CYS1: variants seen among roughly 807,000 people sequenced by gnomAD.
CYS1 encodes the protein cystin 1, also known as cystin-1.
A neutral mutation model predicts 9.6 loss-of-function variants in CYS1; 5 were observed. The observed-to-expected ratio is 0.52, with a 90% confidence interval of 0.27 to 1.10. The LOEUF (loss-of-function observed/expected upper bound fraction) is 1.10. CYS1 is among the 50% of genes least tolerant of loss of function. CYS1 has a pLI of 0.11. For missense variants in CYS1, 221 were observed against 207.9 expected (o/e 1.06, Z -0.39); for synonymous variants, 88 against 95.7 (o/e 0.92, Z 0.47).
Position 10,058,845 on chromosome 2 carries a change from T to C in CYS1, c.*8A>G. ...TCCGAGGCCTGGCGGGGGTGGAGCA[T>C]GCTGTCCTCAGCGGCAGTACTCCCG... On this transcript the variant is annotated 3_prime_UTR_variant, in exon 3 of 3. Transcript: ENST00000381813. 8 of 1,560,794 alleles carry C rather than the reference T, an allele frequency of 5.1e-6. No homozygotes were observed. The highest frequency in any genetic ancestry group is 1.4e-5 in the African/African-American group (1 of 73,900).
chr2:10,060,580 C>T (rs1197727758), intron 2 of CYS1, among the ~76,000 whole-genome samples: 4 of 152,236 alleles, frequency 2.6e-5, no homozygotes, highest in Non-Finnish European at 2.9e-5. Context: ...TAGCACTGCC[C>T]GCGGCCAGTG....
intron 2 of CYS1, among the ~76,000 whole-genome samples, chr2:10,064,670 C>T (rs1240121507): frequency 6.6e-6 from 1 of 151,934 alleles, no homozygotes. Flanking sequence ...CTCTCCTCGG[C>T]GAACTCCTGT....
At position 10,063,772 on chromosome 2, in the gene CYS1, G is replaced by GCC. The variant is rs1558357424; in HGVS notation, c.371+2131_371+2132insGG. Among the ~76,000 whole-genome samples the GCC allele has an allele frequency of 7.9e-5, 12 of 152,234 alleles. No homozygotes were observed. Among genetic ancestry groups the GCC allele is most frequent in the African/African-American group, 2.9e-4 (12 of 41,460 alleles). ...TGTGCCGTGGGCAGCGAGAAGCACA[G>GCC]TGGGTACAGGGCAGATGCTGCCAGC... On this transcript the variant is annotated intron_variant, in intron 2 of 2. Transcript: ENST00000381813. This position sits in a 1 kb window ranked among gnomAD's most constrained non-coding sequence, Gnocchi z 4.2.
In CYS1 at chr2:10,058,595, G is replaced by T. The variant is rs1191462386; in HGVS notation, c.*258C>A. On this transcript the variant is annotated 3_prime_UTR_variant, in exon 3 of 3. Coordinates refer to ENST00000381813, the MANE Select transcript of CYS1 (RefSeq NM_001037160.3). ...CAGAAGAACTGGGCAGGCTCCCCGC[G>T]TTGGGGAGGAGGCGCCGGCGGCCCA... 1 of 396,030 alleles carries T rather than the reference G, an allele frequency of 2.5e-6. No individual in the cohort carries two copies. The highest frequency in any genetic ancestry group is 6.5e-5 in the South Asian group (1 of 15,336). The allele number at this position is 396,030 out of a possible 1,614,324, so 24.5% of individuals were successfully genotyped here.
rs1321052987 is a variant in CYS1 at position 10,076,064 on chromosome 2, C to T, written c.318+3842G>A. Among the ~76,000 whole-genome samples the T allele has an allele frequency of 6.6e-6, 1 of 152,126 alleles. No individual in the cohort carries two copies. Among genetic ancestry groups the T allele is most frequent in the Non-Finnish European group, 1.5e-5 (1 of 68,030 alleles). ...ATTAGCCAGGCGTGGTGGCATGCTC[C>T]TATAGTCCCAGCTACTCGGGATGCT... On this transcript the variant is annotated intron_variant, in intron 1 of 2. Coordinates refer to ENST00000381813, the MANE Select transcript of CYS1 (RefSeq NM_001037160.3). This position sits in a 1 kb window ranked among gnomAD's most constrained non-coding sequence, Gnocchi z 4.3.
intron 2 of CYS1, among the ~76,000 whole-genome samples, chr2:10,062,496 G>A (rs1661640966): frequency 6.6e-6 from 1 of 152,032 alleles, no homozygotes; most frequent in African/African-American, 2.4e-5. Context: ...CCCATCATGG[G>A]TGCAAGGGAT....
In CYS1 at chr2:10,076,739, C is replaced by T. The variant is rs1384528173; in HGVS notation, c.318+3167G>A. On this transcript the variant is annotated intron_variant, in intron 1 of 2. Coordinates refer to ENST00000381813, the MANE Select transcript of CYS1 (RefSeq NM_001037160.3). This position sits in a 1 kb window ranked among gnomAD's most constrained non-coding sequence, Gnocchi z 4.3. ...GCCTCGTCCCACGTTAGTTCACATA[C>T]ACGAAGCTCCCAGGACAGAGCCCGG... 6.6e-6 allele frequency among the ~76,000 whole-genome samples: 1 copy of T among 152,220 alleles called. No individual in the cohort carries two copies. The highest frequency in any genetic ancestry group is 1.5e-5 in the Non-Finnish European group (1 of 68,040).
In CYS1 at chr2:10,063,613, G is replaced by C. The variant is rs1159978597; in HGVS notation, c.371+2291C>G. The stretch of plus-strand genomic sequence containing the variant: ...GAAGGACCCTGCCTGGGAGGGTGAG[G>C]GTGACACTGGAGGGAGGAGATTGAA... On this transcript the variant is annotated intron_variant, in intron 2 of 2. Transcript: ENST00000381813. This position sits in a 1 kb window ranked among gnomAD's most constrained non-coding sequence, Gnocchi z 4.2. Among the ~76,000 whole-genome samples, 4 of 152,168 alleles carry C rather than the reference G, an allele frequency of 2.6e-5. No homozygotes were observed. Among genetic ancestry groups the C allele is most frequent in the Non-Finnish European group, 5.9e-5 (4 of 68,026 alleles).
At chr2:10,072,565 C>T (rs6756059) in intron 1 of CYS1, among the ~76,000 whole-genome samples, 18,416 of 152,182 alleles carry the variant, frequency 0.12, 1,258 homozygotes, top group African/African-American at 0.17. Flanking sequence ...CCTTTTATTC[C>T]ATAGTATGGA....
chr2:10,073,658 T>G (rs1159964480), intron 1 of CYS1, among the ~76,000 whole-genome samples: 1 of 152,198 alleles, frequency 6.6e-6, no homozygotes, highest in African/African-American at 2.4e-5. Flanking sequence ...GGGCCTGTGT[T>G]GTGCACAAAC....
rs1310834783 is a variant in CYS1, at chr2:10,057,812, A to T, written c.*1041T>A. 5 of 152,370 alleles carry T rather than the reference A, an allele frequency of 3.3e-5. No individual in the cohort carries two copies. Among genetic ancestry groups the T allele is most frequent in the Non-Finnish European group, 7.3e-5 (5 of 68,232 alleles). 9.4% of individuals were successfully genotyped at this position (152,370 alleles called of 1,614,324 possible). ...AGGCTCCAGACCTGCCCGCCCACAC[A>T]GGAGTCCCCTCTAGCCGGAGCTCCG... On this transcript the variant is annotated 3_prime_UTR_variant, in exon 3 of 3. Transcript: ENST00000381813.
At chr2:10,071,284 C>T (rs1299681612) in intron 1 of CYS1, among the ~76,000 whole-genome samples, 1 of 152,182 alleles carries the variant, frequency 6.6e-6, no homozygotes, top group African/African-American at 2.4e-5. Context: ...CCTCTTAAAG[C>T]TAAGGCAGGA....
intron 1 of CYS1, among the ~76,000 whole-genome samples, chr2:10,077,018 C>T (rs556709551): frequency 6.6e-6 from 1 of 152,328 alleles, no homozygotes; most frequent in East Asian, 1.9e-4. Flanking sequence ...GCCCCTTCCA[C>T]ATTTTCTGTG....
chr2:10,056,908 T>C lies in CYS1; in HGVS notation c.*1945A>G, dbSNP rs918741594. ...AGACACTTCCTGAATTCAGGAAAAATTTTTTTAAAAACCTGAGAACAATTC... is the reference window on the plus strand; with the variant it reads ...AGACACTTCCTGAATTCAGGAAAAACTTTTTTAAAAACCTGAGAACAATTC... On this transcript the variant is annotated 3_prime_UTR_variant, in exon 3 of 3. Coordinates refer to ENST00000381813, the MANE Select transcript of CYS1 (RefSeq NM_001037160.3). 1 of 152,208 alleles carries C rather than the reference T, an allele frequency of 6.6e-6. No homozygotes were observed. Among genetic ancestry groups the C allele is most frequent in the African/African-American group, 2.4e-5 (1 of 41,456 alleles). 9.4% of individuals were successfully genotyped at this position (152,208 alleles called of 1,614,324 possible).
chr2:10,064,711 T>C (rs868798296), intron 2 of CYS1, among the ~76,000 whole-genome samples: 5 of 151,428 alleles, frequency 3.3e-5, no homozygotes, highest in Admixed American at 1.3e-4. Flanking sequence ...TTTTTATATT[T>C]TTATTTATTT....
rs553207617 is a variant in CYS1 at position 10,060,877 on chromosome 2, A to G, written c.372-1919T>C. Among the ~76,000 whole-genome samples, 10 of 152,360 alleles carry G rather than the reference A, an allele frequency of 6.6e-5. No individual in the cohort carries two copies. In the South Asian group the frequency reaches 2.1e-3, roughly 32 times the overall value. On this transcript the variant is annotated intron_variant, in intron 2 of 2. Transcript: ENST00000381813. ...GCGCCATCTGCGGTGTGTCTACCAC[A>G]GAGCTGGGCACTAAGGAAGCACTCA...
At chr2:10,079,229 C>T (rs1473422926) in intron 1 of CYS1, among the ~76,000 whole-genome samples, 3 of 152,116 alleles carry the variant, frequency 2.0e-5, no homozygotes, top group South Asian at 4.1e-4. Flanking sequence ...AGGCATCTTC[C>T]TCGGCTCCCA....
chr2:10,061,305 G>A (rs374866557), intron 2 of CYS1, among the ~76,000 whole-genome samples: 3 of 152,344 alleles, frequency 2.0e-5, no homozygotes, highest in South Asian at 4.1e-4. Context: ...ACCCAGTACA[G>A]AGGAGAGACC....
In CYS1 at chr2:10,079,840, C is replaced by T. The variant is rs1044681789; in HGVS notation, c.318+66G>A. ...GCGCGACCGGCGCCCAGGGCTGGGG[C>T]GGGGACGCGCGGCCGGTGAGTGGGG... On this transcript the variant is annotated intron_variant, in intron 1 of 2. Transcript: ENST00000381813. 1.1e-5 allele frequency: 11 copies of T among 974,010 alleles called. No homozygotes were observed. The Admixed American group carries it at 2.2e-4, about 19-fold the overall frequency. The allele number at this position is 974,010 out of a possible 1,614,324, so 60.3% of individuals were successfully genotyped here. A position where few individuals can be genotyped will look rare whatever the true frequency, so the allele number is the denominator to read the frequency against.
Sources: gnomAD v4.1 joint callset for allele counts (sites outside exome capture counted in the v4.1 genomes callset) on GRCh38, gnomAD v4.1.1 for gene constraint, Gnocchi (gnomAD v3.1) non-coding constraint, MANE v1.5 for transcripts, NCBI Gene and HGNC (gene_info 2026-07-23, HGNC 2026-07-21) for gene names.